Variants in PCDHA1 observed in about 807,000 individuals in gnomAD.
PCDHA1 encodes protocadherin alpha 1.
Under a neutral mutation model 61.3 loss-of-function variants are expected in PCDHA1, and 42 were observed. That is an observed-to-expected ratio of 0.69 (90% CI 0.54 to 0.89). The LOEUF (loss-of-function observed/expected upper bound fraction) is 0.89, where lower values mean the gene tolerates loss of function less well. PCDHA1 is among the 40% of genes least tolerant of loss of function. The pLI, the probability that PCDHA1 is intolerant of heterozygous loss-of-function variation, is 0.00. For missense variants in PCDHA1, 1,256 were observed against 1,235.3 expected, an observed-to-expected ratio of 1.02 and a Z score of -0.25; for synonymous variants, 610 against 553.8, an observed-to-expected ratio of 1.10 and a Z score of -1.43.
intron 1 of PCDHA1, chr5:140,852,034 G>A (rs1233314142): frequency 2.1e-6 from 2 of 935,712 alleles, no homozygotes; most frequent in Non-Finnish European, 2.6e-6. Flanking sequence ...CGCTTATTGA[G>A]TTTTTGTTAT....
chr5:140,870,455 C>A, intron 1 of PCDHA1: 6 of 1,614,246 alleles, frequency 3.7e-6, no homozygotes, highest in Non-Finnish European at 5.1e-6. Context: ...AACGACAATG[C>A]GCCTGCGTTC....
At chr5:140,967,780 T>C in intron 1 of PCDHA1, 1 of 1,614,214 alleles carries the variant, frequency 6.2e-7, no homozygotes, top group Non-Finnish European at 8.5e-7. Context: ...TGCAGGCGAC[T>C]GACCGGGGTC....
intron 1 of PCDHA1, among the ~76,000 whole-genome samples, chr5:140,960,004 A>C (rs2095521827): frequency 6.6e-6 from 1 of 152,216 alleles, no homozygotes; most frequent in Non-Finnish European, 1.5e-5. Context: ...ATACAAATCT[A>C]TTTTGCATCA....
chr5:140,877,156 G>A (rs1471783281), intron 1 of PCDHA1: 1 of 1,613,692 alleles, frequency 6.2e-7, no homozygotes, highest in Admixed American at 1.7e-5. Context: ...GAACGACAAC[G>A]CGCCGGCACT....
intron 1 of PCDHA1, among the ~76,000 whole-genome samples, chr5:140,888,764 T>G (rs74654123): frequency 6.6e-6 from 1 of 152,068 alleles, no homozygotes; most frequent in Non-Finnish European, 1.5e-5. Flanking sequence ...CTTTTTTTTT[T>G]AATTTTGAAG....
intron 1 of PCDHA1, chr5:140,801,057 A>C (rs1762630900): frequency 6.9e-7 from 1 of 1,449,086 alleles, no homozygotes; most frequent in East Asian, 2.4e-5. Flanking sequence ...AACAGCGTGC[A>C]TTACGTATTC....
chr5:140,878,273 G>T (rs2057527007), intron 1 of PCDHA1, among the ~76,000 whole-genome samples: 1 of 152,096 alleles, frequency 6.6e-6, no homozygotes, highest in Non-Finnish European at 1.5e-5. Flanking sequence ...TTTTAAAATA[G>T]CCTTCTTGAT....
chr5:140,840,414 T>C (rs1377292591), intron 1 of PCDHA1, among the ~76,000 whole-genome samples: 1 of 151,872 alleles, frequency 6.6e-6, no homozygotes, highest in Non-Finnish European at 1.5e-5. Flanking sequence ...ATACTTCAAA[T>C]AATAGGCTAG....
chr5:140,858,515 C>G lies in PCDHA1; in HGVS notation c.2394+69831C>G, dbSNP rs1554151726. ...TTACCGCATTTTCTCAAATATGTAT[C>G]AGAATATTTCATTTTTGTCTACATT... On this transcript the variant is annotated intron_variant, in intron 1 of 3. Coordinates refer to ENST00000504120, the MANE Select transcript of PCDHA1 (RefSeq NM_018900.4). 2.8e-6 allele frequency: 4 copies of G among 1,415,980 alleles called. 1 individual carries two copies. The African/African-American group carries it at 5.7e-5, about 20-fold the overall frequency. 87.7% of individuals were successfully genotyped at this position (1,415,980 alleles called of 1,614,324 possible).
chr5:140,953,851 GC>G (rs1458424600), intron 1 of PCDHA1, among the ~76,000 whole-genome samples: 6 of 152,108 alleles, frequency 3.9e-5, no homozygotes, highest in African/African-American at 1.2e-4. Context: ...GTAAACATGT[GC>G]CATGGTGGTT....
intron 1 of PCDHA1, among the ~76,000 whole-genome samples, chr5:140,833,764 A>ACACG (rs2150211178): frequency 1.9e-3 from 286 of 152,036 alleles, no homozygotes; most frequent in African/African-American, 6.7e-3. Flanking sequence ...ACACACACAC[A>ACACG]CACCGCTTTC....
chr5:140,808,528 T>C lies in PCDHA1; in HGVS notation c.2394+19844T>C, dbSNP rs1554124619. 4 of 1,614,032 alleles carry C rather than the reference T, an allele frequency of 2.5e-6. No individual in the cohort carries two copies. In the Admixed American group the frequency reaches 6.7e-5, roughly 27 times the overall value. ...CCAGTGTTTCTGTGGAGGTGGCTGA[T>C]GTGAACGACAACGCTCCGGCGTTCG... On this transcript the variant is annotated intron_variant, in intron 1 of 3. Coordinates refer to ENST00000504120, the MANE Select transcript of PCDHA1 (RefSeq NM_018900.4).
At chr5:140,944,678 A>G (rs1483326984) in intron 1 of PCDHA1, among the ~76,000 whole-genome samples, 4 of 152,162 alleles carry the variant, frequency 2.6e-5, no homozygotes, top group African/African-American at 9.7e-5. Context: ...TATTCTGTGT[A>G]TCCTATTAAT....
rs564018220 is a variant in PCDHA1 at position 140,787,343 on chromosome 5, G to A, written c.1053G>A (p.Ala351=). The A allele has an allele frequency of 4.6e-5, 75 of 1,614,154 alleles. No homozygotes were observed. The South Asian group carries it at 7.7e-4, about 17-fold the overall frequency. ...LDVNDNAPEL[A]VTSLYLPIRE... ...TAAATGATAATGCTCCAGAACTGGC[G>A]GTCACTTCATTGTATTTGCCTATCA... Residue 351 remains alanine (A), a synonymous_variant, in exon 1 of 4, where the codon GCG becomes GCA. Transcript: ENST00000504120.
chr5:140,817,981 CT>C (rs1289282111), intron 1 of PCDHA1, among the ~76,000 whole-genome samples: 3 of 152,254 alleles, frequency 2.0e-5, no homozygotes, highest in Admixed American at 6.5e-5. Flanking sequence ...TGTCTAGCTA[CT>C]TTGTATACTT....
intron 3 of PCDHA1, among the ~76,000 whole-genome samples, chr5:140,997,614 A>G (rs1355709943): frequency 6.6e-6 from 1 of 152,148 alleles, no homozygotes; most frequent in Admixed American, 6.6e-5. Context: ...GCATGACTAT[A>G]TAGAGATTTT....
At chr5:140,951,289 T>C (rs546786558) in intron 1 of PCDHA1, among the ~76,000 whole-genome samples, 12 of 152,232 alleles carry the variant, frequency 7.9e-5, no homozygotes, top group Non-Finnish European at 1.3e-4. Context: ...TTTTGGATTA[T>C]ATCTTGATAT....
intron 1 of PCDHA1, chr5:140,883,195 T>G (rs781816525): frequency 6.2e-7 from 1 of 1,613,904 alleles, no homozygotes; most frequent in Non-Finnish European, 8.5e-7. Flanking sequence ...GCAAACTAGA[T>G]TTCGAAGAAA....
intron 1 of PCDHA1, chr5:140,869,386 C>T: frequency 6.2e-7 from 1 of 1,614,176 alleles, no homozygotes; most frequent in Non-Finnish European, 8.5e-7. Context: ...CCGCGAGGAG[C>T]TGTGCGGGCA....
Sources: gnomAD v4.1 joint callset for allele counts (sites outside exome capture counted in the v4.1 genomes callset) on GRCh38, gnomAD v4.1.1 for gene constraint, MANE v1.5 for transcripts, NCBI Gene and HGNC (gene_info 2026-07-23, HGNC 2026-07-21) for gene names.